The following RASA2 variants were observed in gnomAD, a reference collection of about 807,000 sequenced individuals.
RASA2 encodes the protein ras GTPase-activating protein 2.
Under a neutral mutation model 118.2 loss-of-function variants are expected in RASA2, and 155 were observed. The observed-to-expected ratio is 1.31, with a 90% CI of 1.15 to 1.50. RASA2 has a LOEUF of 1.50. RASA2 is among the 40% of genes most tolerant of loss of function. The pLI, the probability that RASA2 is intolerant of heterozygous loss-of-function variation, is 0.00. For synonymous variants in RASA2, 353 were observed against 349.1 expected (o/e 1.01, Z -0.12); for missense variants, 1,016 against 1,009.6 (o/e 1.01, Z -0.09).
At chr3:141,539,125 T>C (rs1468188808) in intron 4 of RASA2, among the ~76,000 whole-genome samples, 1 of 152,198 alleles carries the variant, frequency 6.6e-6, no homozygotes, top group Admixed American at 6.5e-5. Flanking sequence ...AAAATTCTAG[T>C]TGAGTAATAT....
chr3:141,529,326 A>C (rs1376558877), intron 3 of RASA2, among the ~76,000 whole-genome samples: 1 of 152,116 alleles, frequency 6.6e-6, no homozygotes, highest in Non-Finnish European at 1.5e-5. Flanking sequence ...AAAACTTGTC[A>C]TTTGTTCTTA....
In RASA2 at chr3:141,608,586, G is replaced by A; in HGVS notation, c.2114G>A (p.Arg705Gln). Residue 705 changes from arginine to glutamine, a missense_variant, in exon 21 of 24, where the codon CGA becomes CAA. Around this residue, in one of 2 missense-constraint regions of RASA2, gnomAD observed 120 missense variants for 173.2 expected, o/e 0.69. Transcript: ENST00000286364. ...EWIDVLCRVS[R>Q]CNQNRLSFYH... ...ATAGACGTACTCTGCAGGGTGAGCCGATGCAATCAAAACAGGCTCAGTTTT... is the reference window on the plus strand; with the variant it reads ...ATAGACGTACTCTGCAGGGTGAGCCAATGCAATCAAAACAGGCTCAGTTTT... The A allele has an allele frequency of 6.2e-7, 1 of 1,613,834 alleles. No individual in the cohort carries two copies. Among genetic ancestry groups the A allele is most frequent in the Non-Finnish European group, 8.5e-7 (1 of 1,179,788 alleles).
intron 1 of RASA2, among the ~76,000 whole-genome samples, chr3:141,498,839 C>G (rs1054608526): frequency 2.0e-5 from 3 of 152,168 alleles, no homozygotes; most frequent in African/African-American, 7.2e-5. Flanking sequence ...CCTTGCTAAG[C>G]TTCTTGTAGC....
At chr3:141,523,175 C>A (rs1375239085) in intron 3 of RASA2, among the ~76,000 whole-genome samples, 1 of 151,556 alleles carries the variant, frequency 6.6e-6, no homozygotes, top group Non-Finnish European at 1.5e-5. Context: ...GTTGTCCAGG[C>A]TGGAGTGCGT....
rs1014445006 is a variant in RASA2, at chr3:141,560,111, C to T, written c.863+116C>T. The T allele has an allele frequency of 8.3e-6, 6 of 726,076 alleles. No homozygotes were observed. In the African/African-American group the frequency reaches 1.1e-4, roughly 13 times the overall value. 45.0% of individuals were successfully genotyped at this position (726,076 alleles called of 1,614,324 possible). A position where few individuals can be genotyped will look rare whatever the true frequency, so the allele number is the denominator to read the frequency against. On this transcript the variant is annotated intron_variant, in intron 9 of 23. Coordinates refer to ENST00000286364, the MANE Select transcript of RASA2 (RefSeq NM_006506.5). ...TAAATTTGCCATGTAATAAGCTAAA[C>T]GTCATTAATATTGATATGTTCATTA...
At position 141,526,407 on chromosome 3, in the gene RASA2, T is replaced by C. The variant is rs374015881; in HGVS notation, c.356-3301T>C. ...CCCATCCTCTCTTCTCCCTCTCCCG[T>C]ACTTCCTTCTCATTTATCCTTCCAC... On this transcript the variant is annotated intron_variant, in intron 3 of 23. Coordinates refer to ENST00000286364, the MANE Select transcript of RASA2 (RefSeq NM_006506.5). 4.0e-5 allele frequency among the ~76,000 whole-genome samples: 6 copies of C among 151,894 alleles called. No individual in the cohort carries two copies. In the East Asian group the frequency reaches 1.2e-3, roughly 29 times the overall value.
chr3:141,565,012 GTC>G (rs1362845884), intron 9 of RASA2, among the ~76,000 whole-genome samples: 1 of 151,946 alleles, frequency 6.6e-6, no homozygotes, highest in Non-Finnish European at 1.5e-5. Flanking sequence ...TTGAGATGCA[GTC>G]TCTCTCTGTC....
intron 19 of RASA2, among the ~76,000 whole-genome samples, chr3:141,591,570 A>G (rs1216134846): frequency 1.3e-5 from 2 of 152,250 alleles, no homozygotes; most frequent in Non-Finnish European, 2.9e-5. Flanking sequence ...ATATGCTGTC[A>G]TCTGAATTAC....
At chr3:141,508,369 G>T (rs929173574) in intron 1 of RASA2, among the ~76,000 whole-genome samples, 4 of 151,718 alleles carry the variant, frequency 2.6e-5, no homozygotes, top group Admixed American at 1.3e-4. Context: ...AATATTAGTG[G>T]TTTTTTGGGT....
intron 17 of RASA2, among the ~76,000 whole-genome samples, chr3:141,581,816 G>A (rs566031027): frequency 2.0e-5 from 3 of 152,142 alleles, no homozygotes; most frequent in South Asian, 4.2e-4. Flanking sequence ...CTAACACAAG[G>A]CCTGCAGCAT....
intron 17 of RASA2, among the ~76,000 whole-genome samples, chr3:141,582,554 A>C (rs2083132091): frequency 6.6e-6 from 1 of 152,184 alleles, no homozygotes; most frequent in South Asian, 2.1e-4. Context: ...TGATAATGTC[A>C]GTGGAGAAAG....
chr3:141,509,812 C>T (rs1032901510), intron 1 of RASA2, among the ~76,000 whole-genome samples: 9 of 152,106 alleles, frequency 5.9e-5, no homozygotes, highest in Admixed American at 5.2e-4. Flanking sequence ...GGATGAATAC[C>T]GGTTCAGATA....
intron 1 of RASA2, 47 bp downstream of exon 1, chr3:141,487,263 G>T (rs1484757452): frequency 1.4e-5 from 18 of 1,259,254 alleles, no homozygotes; most frequent in Non-Finnish European, 1.8e-5. Context: ...CGCTGGGCGC[G>T]AGGCTGAGGG....
intron 9 of RASA2, among the ~76,000 whole-genome samples, chr3:141,561,929 T>G (rs35324295): frequency 6.6e-6 from 1 of 152,124 alleles, no homozygotes; most frequent in African/African-American, 2.4e-5. Context: ...ACACCTTTTG[T>G]CCTCAAACTT....
chr3:141,566,551 G>A (rs2082823209), intron 9 of RASA2, among the ~76,000 whole-genome samples: 1 of 152,150 alleles, frequency 6.6e-6, no homozygotes. Context: ...ACAAACTGTA[G>A]AAAAACATTT....
chr3:141,547,168 C>T (rs2151108093), intron 5 of RASA2, among the ~76,000 whole-genome samples: 1 of 151,768 alleles, frequency 6.6e-6, no homozygotes, highest in South Asian at 2.1e-4. Context: ...CTCAGGATAG[C>T]TTTGGTTATT....
chr3:141,546,526 TA>T (rs1206502018), intron 5 of RASA2, among the ~76,000 whole-genome samples: 2 of 152,244 alleles, frequency 1.3e-5, no homozygotes, highest in Non-Finnish European at 1.5e-5. Flanking sequence ...TGCTCATTTT[TA>T]AATCAGATTA....
intron 2 of RASA2, among the ~76,000 whole-genome samples, chr3:141,514,010 A>G (rs556071898): frequency 1.6e-3 from 243 of 152,330 alleles, no homozygotes; most frequent in African/African-American, 5.5e-3. Context: ...AGGATGGGCA[A>G]AGATTTCTTG....
At chr3:141,491,149 C>T (rs181626403) in intron 1 of RASA2, among the ~76,000 whole-genome samples, 127 of 152,318 alleles carry the variant, frequency 8.3e-4, no homozygotes, top group African/African-American at 2.9e-3. Flanking sequence ...GCTTACCTTC[C>T]GCATCTTTTA....
Sources: allele counts gnomAD v4.1 joint callset (sites outside exome capture counted in the v4.1 genomes callset), GRCh38; gene constraint gnomAD v4.1.1; regional missense constraint gnomAD v4.1.1; transcripts MANE v1.5; gene names NCBI Gene and HGNC (gene_info 2026-07-23, HGNC 2026-07-21).